CEP350: variants seen among roughly 807,000 people sequenced by gnomAD.
CEP350 encodes the protein centrosome-associated protein 350.
A neutral mutation model predicts 331.8 loss-of-function variants in CEP350; 126 were observed. The observed-to-expected ratio is 0.38, with a 90% CI of 0.33 to 0.44. The LOEUF is 0.44. CEP350 is among the 20% of genes least tolerant of loss of function. CEP350 has a pLI of 1.00. For synonymous variants in CEP350, 1,200 were observed against 1,259.5 expected, an observed-to-expected ratio of 0.95 and a Z score of 1.00; for missense variants, 3,406 against 3,634.6, an observed-to-expected ratio of 0.94 and a Z score of 1.62.
At chr1:179,955,919 T>C (rs1397455703) in intron 1 of CEP350, among the ~76,000 whole-genome samples, 1 of 152,212 alleles carries the variant, frequency 6.6e-6, no homozygotes, top group Non-Finnish European at 1.5e-5. Context: ...TGTTTTGAAT[T>C]TGGGGAAGTC....
chr1:180,013,741 G>A, intron 9 of CEP350, 106 bp from the exon 10 acceptor site: 1 of 1,043,912 alleles, frequency 9.6e-7, no homozygotes, highest in Non-Finnish European at 1.4e-6. Flanking sequence ...TTGAATTTGA[G>A]TTTAAGTAAG....
intron 27 of CEP350, among the ~76,000 whole-genome samples, chr1:180,068,095 T>G (rs559602047): frequency 8.5e-5 from 13 of 152,348 alleles, no homozygotes; most frequent in African/African-American, 3.1e-4. Context: ...TCTCAGTAAG[T>G]TTAGCTAGTT....
chr1:179,978,550 TC>T (rs1052697733), intron 1 of CEP350, among the ~76,000 whole-genome samples: 4 of 151,838 alleles, frequency 2.6e-5, no homozygotes, highest in Non-Finnish European at 4.4e-5. Context: ...TTAACCCCCC[TC>T]CCAGCCCCTA....
intron 4 of CEP350, among the ~76,000 whole-genome samples, chr1:179,991,665 A>G (rs536744727): frequency 0.034 from 2,297 of 68,566 alleles, 26 homozygotes; most frequent in South Asian, 0.068. Flanking sequence ...GTATATATAT[A>G]TATGTGTGTG....
chr1:180,086,076 G>T (rs1659841419), intron 31 of CEP350: 1 of 152,116 alleles, frequency 6.6e-6, no homozygotes, highest in African/African-American at 2.4e-5. Context: ...CCATTGTATT[G>T]TCTTCCACAC....
chr1:179,965,610 CTTTTCTTTTTTTTT>C (rs1178570725), intron 1 of CEP350, among the ~76,000 whole-genome samples: 2 of 91,966 alleles, frequency 2.2e-5, no homozygotes, highest in South Asian at 3.8e-4. Flanking sequence ...TTTTCTTTTT[CTTTTCTTTTTTTTT>C]TTTTTTTTTT....
intron 4 of CEP350, among the ~76,000 whole-genome samples, chr1:179,991,614 G>A (rs1484227160): frequency 6.7e-6 from 1 of 150,308 alleles, no homozygotes; most frequent in Admixed American, 6.7e-5. Flanking sequence ...ATTGGTGGGT[G>A]AAAACCTCCA....
chr1:179,976,651 C>CAA (rs559980758), intron 1 of CEP350, among the ~76,000 whole-genome samples: 12 of 85,314 alleles, frequency 1.4e-4, no homozygotes, highest in Middle Eastern at 7.2e-3. Flanking sequence ...GACTCCATCT[C>CAA]AAAAAAAAAA....
chr1:180,048,795 G>A lies in CEP350; in HGVS notation c.4792+90G>A, dbSNP rs952092935. 51 of 1,002,626 alleles carry A rather than the reference G, an allele frequency of 5.1e-5. No homozygotes were observed. In the East Asian group the frequency reaches 1.3e-3, roughly 25 times the overall value. The allele number at this position is 1,002,626 out of a possible 1,614,324, so 62.1% of individuals were successfully genotyped here. A position where few individuals can be genotyped will look rare whatever the true frequency, so the allele number is the denominator to read the frequency against. On this transcript the variant is annotated intron_variant, in intron 22 of 37. Coordinates refer to ENST00000367607, the MANE Select transcript of CEP350 (RefSeq NM_014810.5). Reference sequence around the variant, plus strand: ...TTATAAAGTGGCAAATAAGCTGGATGTGGTGGCTCATGCCAGTAATTCCAG... The same window carrying A: ...TTATAAAGTGGCAAATAAGCTGGATATGGTGGCTCATGCCAGTAATTCCAG...
intron 14 of CEP350, among the ~76,000 whole-genome samples, chr1:180,030,213 G>GTGTA (rs1655923977): frequency 7.0e-6 from 1 of 142,884 alleles, no homozygotes; most frequent in Non-Finnish European, 1.5e-5. Flanking sequence ...TAAATTTTTT[G>GTGTA]TATATATATA....
chr1:180,098,911 C>G lies in CEP350; in HGVS notation c.9115C>G (p.Pro3039Ala). The G allele has an allele frequency of 6.2e-7, 1 of 1,613,214 alleles. No homozygotes were observed. Among genetic ancestry groups the G allele is most frequent in the African/African-American group, 1.3e-5 (1 of 74,934 alleles). ...VLKLFSLKKE[P>A]NHKTDWQKMM... ...CAAGTTGTTCAGTCTTAAAAAGGAG[C>G]CAAACCACAAAACAGATTGGCAGAA... The change falls in exon 37 of 38, where the codon CCA becomes GCA. Residue 3039 changes from proline (P) to alanine (A), a missense_variant. Physicochemically the swap from Pro to Ala is conservative, Grantham distance 27. Coordinates refer to ENST00000367607, the MANE Select transcript of CEP350 (RefSeq NM_014810.5).
intron 27 of CEP350, among the ~76,000 whole-genome samples, chr1:180,071,557 A>C (rs1055016722): frequency 6.6e-6 from 1 of 151,824 alleles, no homozygotes; most frequent in African/African-American, 2.4e-5. Flanking sequence ...CAGATGGATC[A>C]CCTGAGGTCA....
chr1:180,043,926 G>A (rs1380369432), intron 20 of CEP350, 125 bp from the exon 21 acceptor site: 4 of 828,110 alleles, frequency 4.8e-6, no homozygotes, highest in Admixed American at 3.4e-5. Flanking sequence ...TCTTTAATGT[G>A]TTGTAAGTTA....
chr1:180,015,906 C>G lies in CEP350; in HGVS notation c.2110C>G (p.Arg704Gly). 1 of 1,613,908 alleles carries G rather than the reference C, an allele frequency of 6.2e-7. No individual in the cohort carries two copies. The highest frequency in any genetic ancestry group is 8.5e-7 in the Non-Finnish European group (1 of 1,179,840). ...TGACAAAGAAAACAAAGTACAGGAA[C>G]GTCCCCCAAGTGCATCTTCCAGTAG... ...ESDKENKVQE[R>G]PPSASSSSDM... The change falls in exon 11 of 38, where the codon CGT becomes GGT. Residue 704 changes from arginine (R) to glycine (G), a missense_variant. Transcript: ENST00000367607.
At chr1:180,071,882 T>A (rs545704983) in intron 27 of CEP350, among the ~76,000 whole-genome samples, 2 of 152,230 alleles carry the variant, frequency 1.3e-5, no homozygotes, top group Non-Finnish European at 2.9e-5. Flanking sequence ...GTATATCTTA[T>A]TCTTGTCCAG....
At chr1:180,043,444 A>T (rs1416593368) in intron 20 of CEP350, among the ~76,000 whole-genome samples, 4 of 152,198 alleles carry the variant, frequency 2.6e-5, no homozygotes, top group Non-Finnish European at 5.9e-5. Flanking sequence ...AGGAATTTGA[A>T]TAGCCTGGGG....
At chr1:180,030,722 T>C (rs768096872) in intron 14 of CEP350, among the ~76,000 whole-genome samples, 7 of 152,108 alleles carry the variant, frequency 4.6e-5, no homozygotes, top group Non-Finnish European at 1.0e-4. Flanking sequence ...AGGTTACTAT[T>C]ATCTATGTGA....
At position 180,113,454 on chromosome 1, in the gene CEP350, T is replaced by C. The variant is rs1223635759; in HGVS notation, c.*2293T>C. On this transcript the variant is annotated 3_prime_UTR_variant, in exon 38 of 38. Transcript: ENST00000367607. ...ATGCTGCCAAGAATGTGGCAGTAGCTGTCCTGACAGACTCCAACTGTCTTT... is the reference window on the plus strand; with the variant it reads ...ATGCTGCCAAGAATGTGGCAGTAGCCGTCCTGACAGACTCCAACTGTCTTT... The C allele has an allele frequency of 1.3e-5, 2 of 152,168 alleles. No homozygotes were observed. Among genetic ancestry groups the C allele is most frequent in the Non-Finnish European group, 2.9e-5 (2 of 68,020 alleles). The allele number at this position is 152,168 out of a possible 1,614,324, so 9.4% of individuals were successfully genotyped here.
chr1:180,010,590 T>TTTTCTTTC (rs1210505282), intron 8 of CEP350, among the ~76,000 whole-genome samples: 2 of 151,676 alleles, frequency 1.3e-5, no homozygotes, highest in Non-Finnish European at 2.9e-5. Context: ...CCTTCCTTTC[T>TTTTCTTTC]TTTCTTTCTT....
Sources: allele counts gnomAD v4.1 joint callset (sites outside exome capture counted in the v4.1 genomes callset), GRCh38; gene constraint gnomAD v4.1.1; transcripts MANE v1.5; gene names NCBI Gene and HGNC (gene_info 2026-07-23, HGNC 2026-07-21).